NUB1: variants seen among roughly 807,000 people sequenced by gnomAD.
The protein encoded by NUB1 is negative regulator of ubiquitin like proteins 1, also known as NEDD8 ultimate buster 1.
In NUB1, 41 loss-of-function variants were observed where a neutral mutation model predicts 77.1. That is an observed-to-expected ratio of 0.53 (90% CI 0.41 to 0.69). The LOEUF is 0.69. Ranked by LOEUF, NUB1 falls within the 30% of genes least tolerant of loss-of-function variation. NUB1 has a pLI of 0.00. For synonymous variants in NUB1, 257 were observed against 281.0 expected (o/e 0.91, Z 0.85); for missense variants, 643 against 743.8 (o/e 0.86, Z 1.58).
intron 2 of NUB1, 82 bp from the exon 3 acceptor site, chr7:151,348,991 C>T: frequency 7.8e-7 from 1 of 1,284,484 alleles, no homozygotes; most frequent in South Asian, 1.3e-5. Flanking sequence ...GAGTTGATGG[C>T]CTTAGAGTCT....
chr7:151,356,019 G>T, intron 6 of NUB1, 69 bp downstream of exon 6: 1 of 1,570,586 alleles, frequency 6.4e-7, no homozygotes, highest in Non-Finnish European at 8.8e-7. Flanking sequence ...ACAGTTGGGG[G>T]ATCATGGCTC....
intron 11 of NUB1, among the ~76,000 whole-genome samples, chr7:151,373,557 G>T (rs961753483): frequency 6.6e-6 from 1 of 152,228 alleles, no homozygotes; most frequent in African/African-American, 2.4e-5. Context: ...GGAATGACAG[G>T]CCTCAGAAGG....
At chr7:151,359,811 A>C (rs891799337) in intron 7 of NUB1, among the ~76,000 whole-genome samples, 1 of 152,164 alleles carries the variant, frequency 6.6e-6, no homozygotes, top group Non-Finnish European at 1.5e-5. Flanking sequence ...AAATGATACA[A>C]GCATTACTGG....
chr7:151,343,533 G>T (rs1011701926), intron 1 of NUB1, among the ~76,000 whole-genome samples: 2 of 152,036 alleles, frequency 1.3e-5, no homozygotes, highest in Non-Finnish European at 2.9e-5. Context: ...CATCATTCAG[G>T]GGCTAATAAC....
chr7:151,365,434 GC>G lies in NUB1; in HGVS notation c.801-1504del, dbSNP rs1421316752. On this transcript the variant is annotated intron_variant, in intron 8 of 14. Coordinates refer to ENST00000568733, the MANE Select transcript of NUB1 (RefSeq NM_001243351.2). ...GGCCATTTCTGCCCACGCTCTTGAT[GC>G]TTAGTAAAACATGAACGAGCCTGTT... 2.6e-5 allele frequency among the ~76,000 whole-genome samples: 4 copies of G among 151,942 alleles called. No individual in the cohort carries two copies. The East Asian group carries it at 7.7e-4, about 29-fold the overall frequency.
At chr7:151,350,365 G>A (rs1038753517) in intron 3 of NUB1, among the ~76,000 whole-genome samples, 1 of 152,168 alleles carries the variant, frequency 6.6e-6, no homozygotes, top group Non-Finnish European at 1.5e-5. Flanking sequence ...AGTCTGCTAA[G>A]TAACAGGTGC....
intron 3 of NUB1, 171 bp from the exon 4 acceptor site, chr7:151,351,253 G>A: frequency 1.6e-6 from 1 of 617,350 alleles, no homozygotes; most frequent in East Asian, 2.9e-5. Flanking sequence ...GCAGGTCACA[G>A]GGTCAGCCTG....
chr7:151,368,989 T>G, intron 11 of NUB1, 102 bp downstream of exon 11: 1 of 1,255,030 alleles, frequency 8.0e-7, no homozygotes, highest in Non-Finnish European at 1.1e-6. Flanking sequence ...TACTCCAGAT[T>G]GGGAAGGAAG....
At chr7:151,362,238 A>G (rs1273998571) in intron 8 of NUB1, among the ~76,000 whole-genome samples, 1 of 152,176 alleles carries the variant, frequency 6.6e-6, no homozygotes, top group Non-Finnish European at 1.5e-5. Context: ...TAAGTAGAGA[A>G]AGTTTTTTTT....
chr7:151,376,731 G>T lies in NUB1; in HGVS notation c.1589G>T (p.Gly530Val). The stretch of plus-strand genomic sequence containing the variant: ...GCCGCCCAGACCCTTGCTCACAACG[G>T]AGGAAGCCTGCCTCCCGAGCTGCCG... ...QLAAQTLAHN[G>V]GSLPPELPLS... Residue 530 changes from glycine to valine, a missense_variant, in exon 14 of 15, where the codon GGA becomes GTA. Transcript: ENST00000568733. 1 of 1,604,312 alleles carries T rather than the reference G, an allele frequency of 6.2e-7. No homozygotes were observed. Among genetic ancestry groups the T allele is most frequent in the East Asian group, 2.3e-5 (1 of 44,440 alleles).
chr7:151,373,671 G>A (rs902307077), intron 11 of NUB1, among the ~76,000 whole-genome samples: 2 of 152,314 alleles, frequency 1.3e-5, no homozygotes, highest in South Asian at 4.1e-4. Flanking sequence ...ATCCCTGGGC[G>A]ATTCATCGAA....
chr7:151,362,267 T>A (rs1354920993), intron 8 of NUB1, among the ~76,000 whole-genome samples: 1 of 152,042 alleles, frequency 6.6e-6, no homozygotes, highest in African/African-American at 2.4e-5. Flanking sequence ...CATCTATTTA[T>A]CCTGGGCATC....
intron 1 of NUB1, among the ~76,000 whole-genome samples, chr7:151,344,925 A>G (rs11772616): frequency 0.067 from 10,179 of 151,840 alleles, 541 homozygotes; most frequent in Non-Finnish European, 0.1. Context: ...GCTTGAACCC[A>G]GGGGGCGGAG....
At chr7:151,357,999 C>T (rs1275201504) in intron 7 of NUB1, among the ~76,000 whole-genome samples, 4 of 151,596 alleles carry the variant, frequency 2.6e-5, no homozygotes, top group Non-Finnish European at 5.9e-5. Context: ...GTGTGTGAGG[C>T]GGAGTCTCGC....
At chr7:151,360,082 A>G (rs1797298236) in intron 7 of NUB1, 59 bp from the exon 8 acceptor site, 9 of 747,146 alleles carry the variant, frequency 1.2e-5, no homozygotes, top group Middle Eastern at 4.9e-4. Context: ...TATGCTTTTA[A>G]TATAATTTGC....
intron 8 of NUB1, among the ~76,000 whole-genome samples, chr7:151,364,433 A>C (rs200802223): frequency 5.3e-4 from 3 of 5,698 alleles, no homozygotes; most frequent in Non-Finnish European, 7.6e-4. Context: ...AAACAAAAAC[A>C]AAAAAAAACA....
chr7:151,360,310 A>C, intron 8 of NUB1, 63 bp downstream of exon 8: 4 of 792,394 alleles, frequency 5.0e-6, no homozygotes, highest in East Asian at 2.5e-5. Flanking sequence ...TATACAGAAC[A>C]CCCTGCCATG....
In NUB1 at chr7:151,351,429, G is replaced by A. The variant is rs1334920290; in HGVS notation, c.291G>A (p.Arg97=). 2 of 1,610,942 alleles carry A rather than the reference G, an allele frequency of 1.2e-6. No individual in the cohort carries two copies. The highest frequency in any genetic ancestry group is 4.5e-5 in the East Asian group (2 of 44,852). ...VFLPPRLKKD[R]KNLLETRLHI... is the part of the protein sequence containing the mutation. ...CTTTGTCTTATTTTTAACAGGATAG[G>A]AAAAACTTGTTGGAGACCCGATTGC... The change falls in exon 4 of 15, where the codon AGG becomes AGA. Residue 97 remains arginine, a synonymous_variant. Transcript: ENST00000568733.
At chr7:151,359,010 A>G (rs1004190288) in intron 7 of NUB1, among the ~76,000 whole-genome samples, 4 of 151,950 alleles carry the variant, frequency 2.6e-5, no homozygotes, top group Non-Finnish European at 5.9e-5. Flanking sequence ...GGTTGCAGTG[A>G]GCCGAGATCG....
Sources: gnomAD v4.1 joint callset for allele counts (sites outside exome capture counted in the v4.1 genomes callset) on GRCh38, gnomAD v4.1.1 for gene constraint, MANE v1.5 for transcripts, NCBI Gene and HGNC (gene_info 2026-07-23, HGNC 2026-07-21) for gene names.